Variants in PTPN14 observed in about 807,000 individuals in gnomAD.
PTPN14 encodes protein tyrosine phosphatase non-receptor type 14.
A neutral mutation model predicts 126.8 loss-of-function variants in PTPN14; 53 were observed. The ratio of observed to expected loss-of-function variants is 0.42; its 90% CI spans 0.34 to 0.53. PTPN14 has a LOEUF of 0.53. Ranked by LOEUF, PTPN14 falls within the 20% of genes least tolerant of loss-of-function variation. The pLI, the probability that PTPN14 is intolerant of heterozygous loss-of-function variation, is 0.08. For missense variants in PTPN14, 1,257 were observed against 1,552.9 expected, an observed-to-expected ratio of 0.81 and a Z score of 3.20; for synonymous variants, 630 against 599.3, an observed-to-expected ratio of 1.05 and a Z score of -0.75.
intron 1 of PTPN14, among the ~76,000 whole-genome samples, chr1:214,465,374 T>C (rs535198596): frequency 2.6e-5 from 4 of 151,754 alleles, no homozygotes; most frequent in Non-Finnish European, 4.4e-5. Context: ...TTTTGGGAGG[T>C]TGAGGCGGAA....
intron 1 of PTPN14, among the ~76,000 whole-genome samples, chr1:214,516,861 T>G (rs886253428): frequency 6.6e-6 from 1 of 152,098 alleles, no homozygotes; most frequent in African/African-American, 2.4e-5. Context: ...CCCCACTTGA[T>G]AGCAATTCCT....
chr1:214,378,522 G>T (rs956278873), intron 13 of PTPN14, among the ~76,000 whole-genome samples: 1 of 152,162 alleles, frequency 6.6e-6, no homozygotes, highest in Non-Finnish European at 1.5e-5. Flanking sequence ...AGACGGAACG[G>T]AGCAAAACTT....
intron 4 of PTPN14, among the ~76,000 whole-genome samples, chr1:214,413,234 C>T (rs1053973616): frequency 6.6e-6 from 1 of 152,136 alleles, no homozygotes; most frequent in Non-Finnish European, 1.5e-5. Flanking sequence ...ACATATTGAT[C>T]TTCTCCATTA....
chr1:214,364,985 C>G lies in PTPN14; in HGVS notation c.3272-310G>C, dbSNP rs1023228668. On this transcript the variant is annotated intron_variant, in intron 17 of 18. Transcript: ENST00000366956. The surrounding 1 kb of genome is among the most constrained non-coding windows in gnomAD (Gnocchi z 4.1). ...ATTCTGTTTTCCCCTCTGCAAATCC[C>G]TAAGTCCCTCAAGCAGATGATTCTA... is the stretch of plus-strand genomic sequence containing the variant. 2.6e-5 allele frequency among the ~76,000 whole-genome samples: 4 copies of G among 151,908 alleles called. No homozygotes were observed. Among genetic ancestry groups the G allele is most frequent in the Non-Finnish European group, 5.9e-5 (4 of 68,006 alleles).
intron 1 of PTPN14, among the ~76,000 whole-genome samples, chr1:214,544,827 G>C (rs1334157141): frequency 1.3e-5 from 2 of 151,192 alleles, no homozygotes; most frequent in African/African-American, 4.9e-5. Context: ...GGAGGTAAGA[G>C]AGAAAAAAGA....
rs1458224924 is a variant in PTPN14 at position 214,384,661 on chromosome 1, G to A, written c.1194C>T (p.Asn398=). 5 of 1,614,186 alleles carry A rather than the reference G, an allele frequency of 3.1e-6. No homozygotes were observed. In the South Asian group the frequency reaches 5.5e-5, roughly 18 times the overall value. ...VCSVHSVNSL[N]CSQSFIQASP... ...AGGCCTGGATGAAACTTTGCGAGCA[G>A]TTGAGGGAGTTGACGCTGTGAACGC... The change falls in exon 13 of 19, where the codon AAC becomes AAT. Residue 398 remains asparagine (N), a synonymous_variant. Coordinates refer to ENST00000366956, the MANE Select transcript of PTPN14 (RefSeq NM_005401.5). The surrounding 1 kb of genome is among the most constrained non-coding windows in gnomAD (Gnocchi z 5.3).
chr1:214,373,558 AACACACACACACACAC>A (rs10562157), intron 15 of PTPN14, among the ~76,000 whole-genome samples: 87 of 138,688 alleles, frequency 6.3e-4, no homozygotes, highest in African/African-American at 7.6e-4. Context: ...ATTTCATTGA[AACACACACACACACAC>A]ACACACACAC....
chr1:214,401,049 G>A (rs960501036), intron 7 of PTPN14, among the ~76,000 whole-genome samples: 1 of 152,134 alleles, frequency 6.6e-6, no homozygotes, highest in African/African-American at 2.4e-5. Context: ...GGTCAACAGA[G>A]AGTGGAAAAT....
chr1:214,424,483 T>C (rs570465258), intron 3 of PTPN14, among the ~76,000 whole-genome samples: 7 of 151,806 alleles, frequency 4.6e-5, no homozygotes, highest in South Asian at 2.1e-4. Flanking sequence ...TTAATTTCCA[T>C]AGCATGGACC....
intron 1 of PTPN14, among the ~76,000 whole-genome samples, chr1:214,521,882 A>T (rs745548143): frequency 1.3e-5 from 2 of 150,450 alleles, no homozygotes; most frequent in Non-Finnish European, 2.9e-5. Context: ...ATGTTTCATA[A>T]GATTTTTGTT....
At chr1:214,416,141 T>C (rs1659420776) in intron 3 of PTPN14, among the ~76,000 whole-genome samples, 1 of 152,364 alleles carries the variant, frequency 6.6e-6, no homozygotes, top group Non-Finnish European at 1.5e-5. Context: ...GTAAGTCTGC[T>C]AGATGCTGAG....
In PTPN14 at chr1:214,511,060, T is replaced by A. The variant is rs533217973; in HGVS notation, c.-155+40123A>T. ...GGCCAAACTAAGTCTTTGGTTTTTT[T>A]TTTTTATTTTTAAAACCACATCTCG... is the stretch of plus-strand genomic sequence containing the variant. On this transcript the variant is annotated intron_variant, in intron 1 of 18. Transcript: ENST00000366956. Among the ~76,000 whole-genome samples, 8 of 152,144 alleles carry A rather than the reference T, an allele frequency of 5.3e-5. No individual in the cohort carries two copies. The South Asian group carries it at 1.7e-3, about 32-fold the overall frequency.
At chr1:214,541,837 T>C (rs1036087382) in intron 1 of PTPN14, among the ~76,000 whole-genome samples, 1 of 152,190 alleles carries the variant, frequency 6.6e-6, no homozygotes, top group African/African-American at 2.4e-5. Flanking sequence ...CCTGTGTGCT[T>C]CAGACAAAAA....
intron 1 of PTPN14, among the ~76,000 whole-genome samples, chr1:214,539,272 GA>G (rs969692572): frequency 6.6e-6 from 1 of 152,216 alleles, no homozygotes; most frequent in African/African-American, 2.4e-5. Flanking sequence ...CCATAACATA[GA>G]TTTTTTTTAA....
chr1:214,410,665 G>A (rs535105705), intron 5 of PTPN14, among the ~76,000 whole-genome samples: 1 of 152,172 alleles, frequency 6.6e-6, no homozygotes, highest in African/African-American at 2.4e-5. Context: ...TCAGTCCTCT[G>A]CATGTAGATG....
intron 3 of PTPN14, among the ~76,000 whole-genome samples, chr1:214,436,628 T>C (rs115349589): frequency 0.039 from 5,876 of 151,506 alleles, 362 homozygotes; most frequent in African/African-American, 0.13. Context: ...AAACCCCTTC[T>C]CTAAAAAAAT....
chr1:214,416,938 T>C (rs1249744860), intron 3 of PTPN14, among the ~76,000 whole-genome samples: 3 of 152,064 alleles, frequency 2.0e-5, no homozygotes, highest in African/African-American at 7.2e-5. Flanking sequence ...TAGTAAAATA[T>C]AACAGTGAAT....
At chr1:214,533,718 T>C (rs995794256) in intron 1 of PTPN14, among the ~76,000 whole-genome samples, 1 of 151,500 alleles carries the variant, frequency 6.6e-6, no homozygotes, top group Admixed American at 6.6e-5. Context: ...GCGCCTGTAG[T>C]CCCAAATAAT....
At position 214,356,637 on chromosome 1, in the gene PTPN14, GA is replaced by G. The variant is rs1657827367; in HGVS notation, c.*1284del. 2 of 152,228 alleles carry G rather than the reference GA, an allele frequency of 1.3e-5. No individual in the cohort carries two copies. The highest frequency in any genetic ancestry group is 4.8e-5 in the African/African-American group (2 of 41,456). 9.4% of individuals were successfully genotyped at this position (152,228 alleles called of 1,614,324 possible). On this transcript the variant is annotated 3_prime_UTR_variant, in exon 19 of 19. Transcript: ENST00000366956. ...AGCGAGTGGATTTTATGAAGAAAAG[GA>G]AAGAAGCACAGGGCTCTGCCAATGA...
Sources: gnomAD v4.1 joint callset for allele counts (sites outside exome capture counted in the v4.1 genomes callset) on GRCh38, gnomAD v4.1.1 for gene constraint, Gnocchi (gnomAD v3.1) non-coding constraint, MANE v1.5 for transcripts, NCBI Gene and HGNC (gene_info 2026-07-23, HGNC 2026-07-21) for gene names.